Variants in OTUD7A observed in about 807,000 individuals in gnomAD.
OTUD7A encodes the protein OTU domain-containing protein 7A.
In OTUD7A, 12 loss-of-function variants were observed where a neutral mutation model predicts 65.7. The observed-to-expected ratio is 0.18, with a 90% CI of 0.12 to 0.30. The LOEUF (loss-of-function observed/expected upper bound fraction) is 0.30. OTUD7A is among the 10% of genes least tolerant of loss of function. OTUD7A has a pLI of 1.00. For synonymous variants in OTUD7A, 641 were observed against 586.3 expected (o/e 1.09, Z -1.35); for missense variants, 1,148 against 1,304.8 (o/e 0.88, Z 1.85).
chr15:31,634,024 A>G (rs1275254839), intron 3 of OTUD7A, among the ~76,000 whole-genome samples: 3 of 152,200 alleles, frequency 2.0e-5, no homozygotes, highest in Admixed American at 1.3e-4. Flanking sequence ...AAGAGTGGCT[A>G]TCTTGGTAGG....
chr15:31,585,830 G>A (rs574077351), intron 3 of OTUD7A, among the ~76,000 whole-genome samples: 2 of 152,316 alleles, frequency 1.3e-5, no homozygotes, highest in South Asian at 2.1e-4. Context: ...ACACATACTA[G>A]CTTGCTCACA....
intron 3 of OTUD7A, among the ~76,000 whole-genome samples, chr15:31,598,219 T>C (rs1417527444): frequency 6.6e-6 from 1 of 152,098 alleles, no homozygotes; most frequent in African/African-American, 2.4e-5. Flanking sequence ...GGCAAGATGG[T>C]TGAATAAGAA....
At chr15:31,609,130 C>T (rs191052280) in intron 3 of OTUD7A, among the ~76,000 whole-genome samples, 52 of 152,300 alleles carry the variant, frequency 3.4e-4, no homozygotes, top group African/African-American at 1.2e-3. Flanking sequence ...TCTTGCCTGT[C>T]ACCACAGGGA....
intron 4 of OTUD7A, among the ~76,000 whole-genome samples, chr15:31,562,941 T>C (rs1888741146): frequency 6.6e-6 from 1 of 152,196 alleles, no homozygotes; most frequent in Admixed American, 6.5e-5. Context: ...ACACTATGGT[T>C]TCAGGAAGAA....
Position 31,537,309 on chromosome 15 carries a change from C to A in OTUD7A, c.551-6501G>T, listed in dbSNP as rs912207906. ...TCAGTGATTCCATTGTAATAAGTGGCATTACTGATAAAAAATAACTGCGCC... is the reference window on the plus strand; with the variant it reads ...TCAGTGATTCCATTGTAATAAGTGGAATTACTGATAAAAAATAACTGCGCC... On this transcript the variant is annotated intron_variant, in intron 5 of 12. Transcript: ENST00000307050. Among the ~76,000 whole-genome samples the A allele has an allele frequency of 2.6e-5, 4 of 152,168 alleles. No individual in the cohort carries two copies. The East Asian group carries it at 5.8e-4, about 22-fold the overall frequency.
At chr15:31,785,287 G>A (rs1895643942) in intron 1 of OTUD7A, among the ~76,000 whole-genome samples, 1 of 152,106 alleles carries the variant, frequency 6.6e-6, no homozygotes, top group Admixed American at 6.6e-5. Context: ...TTCTCAGCTG[G>A]TCCTTTCAGA....
At chr15:31,842,958 G>A (rs942604956) in intron 1 of OTUD7A, among the ~76,000 whole-genome samples, 4 of 152,078 alleles carry the variant, frequency 2.6e-5, no homozygotes, top group African/African-American at 4.8e-5. Context: ...GGGAATGGAC[G>A]AGAAACTGCT....
At chr15:31,668,650 A>G (rs945290841) in intron 1 of OTUD7A, among the ~76,000 whole-genome samples, 1 of 152,128 alleles carries the variant, frequency 6.6e-6, no homozygotes, top group African/African-American at 2.4e-5. Context: ...TTTTTCAGGT[A>G]AATCAGAGAT....
chr15:31,786,911 G>C (rs73380515), intron 1 of OTUD7A, among the ~76,000 whole-genome samples: 4 of 152,124 alleles, frequency 2.6e-5, no homozygotes, highest in Non-Finnish European at 5.9e-5. Context: ...GAGGCCTGTC[G>C]TTCTACAAAA....
At chr15:31,675,278 A>T (rs1009363237) in intron 1 of OTUD7A, among the ~76,000 whole-genome samples, 6 of 152,122 alleles carry the variant, frequency 3.9e-5, no homozygotes, top group South Asian at 4.2e-4. Flanking sequence ...GAAAGAGATG[A>T]GTCTGTGGGG....
chr15:31,487,211 T>A lies in OTUD7A; in HGVS notation c.1354A>T (p.Ile452Phe). ...AGGCTCACCCGTGTCTCGGAGGGGA[T>A]CCGGATCCACGTCACGTTCATGTAG... The part of the protein sequence containing the change: ...HSYMNVTWIR[I>F]PSETRAPLAQ... Residue 452 changes from isoleucine to phenylalanine, a missense_variant, in exon 12 of 13, where the codon ATC becomes TTC. Ile to Phe is a conservative substitution (Grantham distance 21). This residue lies in a region of OTUD7A where 842 missense variants were observed against 769.5 expected (regional missense o/e 1.09). Coordinates refer to ENST00000307050, the MANE Select transcript of OTUD7A (RefSeq NM_001382637.1). This position sits in a 1 kb window ranked among gnomAD's most constrained non-coding sequence, Gnocchi z 6.0. 6.2e-7 allele frequency: 1 copy of A among 1,613,896 alleles called. No homozygotes were observed. The highest frequency in any genetic ancestry group is 8.5e-7 in the Non-Finnish European group (1 of 1,179,970).
intron 1 of OTUD7A, chr15:31,787,789 A>G (rs906465199): frequency 6.6e-6 from 1 of 152,236 alleles, no homozygotes; most frequent in Non-Finnish European, 1.5e-5. Flanking sequence ...CCTTTCAATG[A>G]ATAGAACACA....
intron 1 of OTUD7A, among the ~76,000 whole-genome samples, chr15:31,669,372 G>A (rs1892418464): frequency 2.6e-5 from 4 of 152,176 alleles, no homozygotes; most frequent in African/African-American, 9.6e-5. Context: ...ATGGAGTTGT[G>A]TACCTACGAG....
At chr15:31,774,564 T>C (rs927604996) in intron 1 of OTUD7A, among the ~76,000 whole-genome samples, 1 of 152,184 alleles carries the variant, frequency 6.6e-6, no homozygotes, top group Non-Finnish European at 1.5e-5. Context: ...ACTCTGTTAA[T>C]GAGGACATGT....
At chr15:31,857,645 C>T (rs867758390) in intron 1 of OTUD7A, among the ~76,000 whole-genome samples, 1 of 152,176 alleles carries the variant, frequency 6.6e-6, no homozygotes, top group Admixed American at 6.5e-5. Context: ...ACATAAACAG[C>T]ACATGCTCCA....
intron 1 of OTUD7A, among the ~76,000 whole-genome samples, chr15:31,746,890 G>A (rs1894494245): frequency 6.6e-6 from 1 of 152,210 alleles, no homozygotes; most frequent in African/African-American, 2.4e-5. Context: ...ACAGGGCACA[G>A]TGAAGCTTTC....
At position 31,484,819 on chromosome 15, in the gene OTUD7A, C is replaced by T; in HGVS notation, c.1372-95G>A. ...ACACCTTGCCCCTGTGTTGCCGAGG[C>T]TAGGGCCCTGGACCTTCACTGTCCC... On this transcript the variant is annotated intron_variant, in intron 12 of 12. Transcript: ENST00000307050. The surrounding 1 kb of genome is among the most constrained non-coding windows in gnomAD (Gnocchi z 4.5). 6.7e-7 allele frequency: 1 copy of T among 1,496,308 alleles called. No homozygotes were observed. 92.7% of individuals were successfully genotyped at this position (1,496,308 alleles called of 1,614,324 possible).
chr15:31,784,313 T>C (rs572541300), intron 1 of OTUD7A, among the ~76,000 whole-genome samples: 11 of 152,252 alleles, frequency 7.2e-5, no homozygotes, highest in African/African-American at 2.4e-4. Context: ...TCCAACTACA[T>C]AGCAGTATGA....
intron 1 of OTUD7A, among the ~76,000 whole-genome samples, chr15:31,847,930 C>A (rs1288905617): frequency 6.6e-6 from 1 of 152,142 alleles, no homozygotes; most frequent in Non-Finnish European, 1.5e-5. Context: ...CTCGTGAGAA[C>A]CCACTCACTA....
Sources: gnomAD v4.1 joint callset for allele counts (sites outside exome capture counted in the v4.1 genomes callset) on GRCh38, gnomAD v4.1.1 for gene constraint, gnomAD v4.1.1 regional missense constraint, Gnocchi (gnomAD v3.1) non-coding constraint, MANE v1.5 for transcripts, NCBI Gene and HGNC (gene_info 2026-07-23, HGNC 2026-07-21) for gene names.